Variants in CD2AP observed in about 807,000 individuals in gnomAD.
CD2AP encodes CD2-associated protein.
Under a neutral mutation model 85.1 loss-of-function variants are expected in CD2AP, and 46 were observed. That is an observed-to-expected ratio of 0.54 (90% CI 0.43 to 0.69). The LOEUF (loss-of-function observed/expected upper bound fraction) is 0.69. CD2AP is among the 30% of genes least tolerant of loss of function. The pLI, the probability that CD2AP is intolerant of heterozygous loss-of-function variation, is 0.00. For missense variants in CD2AP, 769 were observed against 729.5 expected (o/e 1.05, Z -0.62); for synonymous variants, 255 against 252.9 (o/e 1.01, Z -0.08).
chr6:47,516,897 G>A (rs932945697), intron 2 of CD2AP, among the ~76,000 whole-genome samples: 2 of 152,164 alleles, frequency 1.3e-5, no homozygotes, highest in Admixed American at 1.3e-4. Flanking sequence ...GCACTTCAGT[G>A]TATATCAATT....
At chr6:47,552,010 A>G (rs927517911) in intron 4 of CD2AP, among the ~76,000 whole-genome samples, 3 of 152,114 alleles carry the variant, frequency 2.0e-5, no homozygotes, top group African/African-American at 7.2e-5. Context: ...TAAGCCATCA[A>G]GATTTAAGGG....
chr6:47,598,387 A>T (rs1294422471), intron 12 of CD2AP, among the ~76,000 whole-genome samples: 1 of 151,108 alleles, frequency 6.6e-6, no homozygotes, highest in Non-Finnish European at 1.5e-5. Flanking sequence ...TGATCCAGCA[A>T]TCCCACTACT....
At chr6:47,577,170 C>CATTCACCCTAGAGTGTTCTTAT (rs1431415679) in intron 8 of CD2AP, 67 bp downstream of exon 8, 1 of 858,798 alleles carries the variant, frequency 1.2e-6, no homozygotes, top group Non-Finnish European at 2.0e-6. Context: ...AAAAGTTATA[C>CATTCACCCTAGAGTGTTCTTAT]ATTCACCCTA....
At chr6:47,552,952 T>C (rs1746092633) in intron 4 of CD2AP, among the ~76,000 whole-genome samples, 1 of 152,038 alleles carries the variant, frequency 6.6e-6, no homozygotes, top group Non-Finnish European at 1.5e-5. Context: ...CAGCCTTTAA[T>C]ATCACATTGT....
intron 17 of CD2AP, among the ~76,000 whole-genome samples, chr6:47,616,330 G>A (rs1436189754): frequency 6.6e-6 from 1 of 151,628 alleles, no homozygotes; most frequent in African/African-American, 2.4e-5. Flanking sequence ...CTGACCTCAG[G>A]TGATCCACCT....
At position 47,487,854 on chromosome 6, in the gene CD2AP, C is replaced by A. The variant is rs191915147; in HGVS notation, c.4+9606C>A. On this transcript the variant is annotated intron_variant, in intron 1 of 17. Transcript: ENST00000359314. ...GTATTGACTAGCAGAAAATTAGGAG[C>A]CTGCTATGTATCCACTAAGTCTGAT... Among the ~76,000 whole-genome samples the A allele has an allele frequency of 2.6e-5, 4 of 152,080 alleles. No individual in the cohort carries two copies. The East Asian group carries it at 7.7e-4, about 29-fold the overall frequency.
At chr6:47,500,329 T>C (rs1211239317) in intron 1 of CD2AP, among the ~76,000 whole-genome samples, 2 of 152,196 alleles carry the variant, frequency 1.3e-5, no homozygotes, top group Non-Finnish European at 1.5e-5. Context: ...TTTCTGAATT[T>C]CTGGTCTTTT....
chr6:47,491,256 G>C (rs866086577), intron 1 of CD2AP, among the ~76,000 whole-genome samples: 29 of 111,986 alleles, frequency 2.6e-4, no homozygotes, highest in South Asian at 2.4e-3. Context: ...CTTTCTTCCT[G>C]ATATGTGTGT....
intron 11 of CD2AP, 103 bp from the exon 12 acceptor site, chr6:47,595,758 G>A: frequency 1.2e-6 from 1 of 851,326 alleles, no homozygotes; most frequent in Admixed American, 1.9e-5. Context: ...GAAAGTTCAT[G>A]TCTGCCTCTG....
intron 2 of CD2AP, among the ~76,000 whole-genome samples, chr6:47,526,564 G>A (rs1766733759): frequency 6.6e-6 from 1 of 152,162 alleles, no homozygotes; most frequent in South Asian, 2.1e-4. Context: ...AAAATTGAAG[G>A]TTCCTAAAAT....
At chr6:47,615,432 A>C (rs993237280) in intron 17 of CD2AP, among the ~76,000 whole-genome samples, 5 of 152,194 alleles carry the variant, frequency 3.3e-5, no homozygotes, top group African/African-American at 1.2e-4. Context: ...AGGAGGAAGC[A>C]TGGTTCCTGC....
chr6:47,553,896 A>C (rs1406819636), intron 4 of CD2AP, among the ~76,000 whole-genome samples: 2 of 152,138 alleles, frequency 1.3e-5, no homozygotes, highest in African/African-American at 2.4e-5. Flanking sequence ...ACTTAAGCTA[A>C]GAATCACTGC....
intron 2 of CD2AP, among the ~76,000 whole-genome samples, chr6:47,517,362 G>T (rs7767598): frequency 2.0e-5 from 3 of 151,188 alleles, no homozygotes; most frequent in African/African-American, 7.3e-5. Flanking sequence ...ATCACAGCTC[G>T]CTGCAGCCTC....
intron 4 of CD2AP, among the ~76,000 whole-genome samples, chr6:47,550,569 A>G (rs2114055724): frequency 6.6e-6 from 1 of 152,306 alleles, no homozygotes; most frequent in South Asian, 2.1e-4. Flanking sequence ...TGAACAGGGA[A>G]CAGTTCTATA....
chr6:47,532,528 A>AT (rs1766916014), intron 2 of CD2AP, among the ~76,000 whole-genome samples: 1 of 152,002 alleles, frequency 6.6e-6, no homozygotes, highest in Admixed American at 6.6e-5. Context: ...TGCACAATGT[A>AT]TTTTAAGATT....
rs560430577 is a variant in CD2AP at position 47,531,750 on chromosome 6, G to C, written c.166-1852G>C. 2.0e-5 allele frequency among the ~76,000 whole-genome samples: 3 copies of C among 152,134 alleles called. No homozygotes were observed. In the South Asian group the frequency reaches 6.3e-4, roughly 32 times the overall value. On this transcript the variant is annotated intron_variant, in intron 2 of 17. Transcript: ENST00000359314. ...GTATTAAAAAACTAGCACATTATCA[G>C]TTCTCAAGTATTTGAAGTATGTTTT... is the stretch of plus-strand genomic sequence containing the variant.
intron 1 of CD2AP, among the ~76,000 whole-genome samples, chr6:47,478,992 GC>G (rs1765380191): frequency 6.6e-6 from 1 of 152,182 alleles, no homozygotes; most frequent in South Asian, 2.1e-4. Context: ...GTTAGAGAAG[GC>G]AGAATGTGTG....
chr6:47,492,982 C>T (rs889655752), intron 1 of CD2AP, among the ~76,000 whole-genome samples: 7 of 152,192 alleles, frequency 4.6e-5, no homozygotes, highest in African/African-American at 1.7e-4. Flanking sequence ...TGCAACACTT[C>T]ATGTGTAGTG....
At chr6:47,540,629 G>C (rs1767191343) in intron 3 of CD2AP, among the ~76,000 whole-genome samples, 1 of 151,972 alleles carries the variant, frequency 6.6e-6, no homozygotes. Context: ...TGTTTAGTGT[G>C]AGAGGAAGAA....
Sources: allele counts gnomAD v4.1 joint callset (sites outside exome capture counted in the v4.1 genomes callset), GRCh38; gene constraint gnomAD v4.1.1; transcripts MANE v1.5; gene names NCBI Gene and HGNC (gene_info 2026-07-23, HGNC 2026-07-21).